CEP70: variants seen among roughly 807,000 people sequenced by gnomAD.
The protein encoded by CEP70 is centrosomal protein 70, also known as centrosomal protein of 70 kDa.
A neutral mutation model predicts 90.9 loss-of-function variants in CEP70; 70 were observed. The ratio of observed to expected loss-of-function variants is 0.77; its 90% CI spans 0.64 to 0.94. The LOEUF (loss-of-function observed/expected upper bound fraction) is 0.94, where lower values mean the gene tolerates loss of function less well. Ranked by LOEUF, CEP70 falls within the 40% of genes least tolerant of loss-of-function variation. The pLI is 0.00. For missense variants in CEP70, 648 were observed against 669.0 expected, an observed-to-expected ratio of 0.97 and a Z score of 0.35; for synonymous variants, 220 against 228.3, an observed-to-expected ratio of 0.96 and a Z score of 0.33.
At chr3:138,541,186 A>G (rs1334665402) in intron 6 of CEP70, among the ~76,000 whole-genome samples, 1 of 152,236 alleles carries the variant, frequency 6.6e-6, no homozygotes, top group Non-Finnish European at 1.5e-5. Flanking sequence ...CAATGAAACA[A>G]GTTTACCTAC....
At chr3:138,540,665 C>T (rs2038684009) in intron 6 of CEP70, among the ~76,000 whole-genome samples, 1 of 152,118 alleles carries the variant, frequency 6.6e-6, no homozygotes, top group Admixed American at 6.5e-5. Flanking sequence ...ATTATTTTAA[C>T]CATTGTGGAA....
intron 11 of CEP70, among the ~76,000 whole-genome samples, chr3:138,521,703 G>T (rs1054016651): frequency 5.6e-4 from 83 of 148,414 alleles, no homozygotes; most frequent in African/African-American, 1.9e-3. Context: ...CCGTCTCGGG[G>T]GGTGGGGAGA....
intron 6 of CEP70, among the ~76,000 whole-genome samples, chr3:138,554,607 G>C (rs1478065951): frequency 6.6e-6 from 1 of 152,124 alleles, no homozygotes; most frequent in East Asian, 1.9e-4. Context: ...ACTGATAAAT[G>C]AATTTAGCAA....
At chr3:138,557,779 C>T (rs1576819908) in intron 6 of CEP70, among the ~76,000 whole-genome samples, 1 of 152,136 alleles carries the variant, frequency 6.6e-6, no homozygotes, top group Non-Finnish European at 1.5e-5. Context: ...CAAATACCAC[C>T]TGTTACCCCA....
intron 2 of CEP70, among the ~76,000 whole-genome samples, chr3:138,582,173 G>C (rs2041895014): frequency 6.6e-6 from 1 of 152,084 alleles, no homozygotes. Context: ...AAACTCACGG[G>C]TAATCAAAAG....
chr3:138,591,765 T>C lies in CEP70; in HGVS notation c.-6+89A>G, dbSNP rs1286185844. The stretch of plus-strand genomic sequence containing the variant: ...TATCAGGAAGTCAAAAGGAAATATA[T>C]GTAATGAACCTAGTATAGTACTCAA... On this transcript the variant is annotated intron_variant, in intron 2 of 17. Coordinates refer to ENST00000264982, the MANE Select transcript of CEP70 (RefSeq NM_024491.4). The C allele has an allele frequency of 6.7e-6, 7 of 1,039,302 alleles. No individual in the cohort carries two copies. In the South Asian group the frequency reaches 7.0e-5, roughly 10 times the overall value. The allele number at this position is 1,039,302 out of a possible 1,614,324, so 64.4% of individuals were successfully genotyped here.
At chr3:138,522,968 A>C (rs1271566546) in intron 11 of CEP70, among the ~76,000 whole-genome samples, 1 of 152,218 alleles carries the variant, frequency 6.6e-6, no homozygotes, top group African/African-American at 2.4e-5. Flanking sequence ...CGATGCAAAA[A>C]TCCTCAATAA....
chr3:138,561,904 G>C (rs975606258), intron 6 of CEP70, among the ~76,000 whole-genome samples: 9 of 151,520 alleles, frequency 5.9e-5, no homozygotes, highest in Non-Finnish European at 1.2e-4. Context: ...GGCACCTGTA[G>C]TCCCAGCTAT....
chr3:138,525,562 G>T lies in CEP70; in HGVS notation c.872C>A (p.Pro291His). Reference protein sequence around the residue: ...LNLQKDLETRPTQHELRLYKQ... With the variant: ...LNLQKDLETRHTQHELRLYKQ... The stretch of plus-strand genomic sequence containing the variant: ...ATAAAGTCTTAATTCATGCTGCGTA[G>T]GCCTGTGGAAAATAAATAATGATAA... The change falls in exon 11 of 18, where the codon CCT becomes CAT. Residue 291 changes from proline to histidine, a missense_variant and splice_region_variant. By Grantham distance (77) the Pro-to-His change is moderately conservative. Coordinates refer to ENST00000264982, the MANE Select transcript of CEP70 (RefSeq NM_024491.4). 1 of 1,341,032 alleles carries T rather than the reference G, an allele frequency of 7.5e-7. No homozygotes were observed. Among genetic ancestry groups the T allele is most frequent in the Non-Finnish European group, 9.8e-7 (1 of 1,020,892 alleles). The allele number at this position is 1,341,032 out of a possible 1,614,324, so 83.1% of individuals were successfully genotyped here. A position where few individuals can be genotyped will look rare whatever the true frequency, so the allele number is the denominator to read the frequency against.
In CEP70 at chr3:138,527,188, G is replaced by A. The variant is rs545917608; in HGVS notation, c.870-1624C>T. On this transcript the variant is annotated intron_variant, in intron 10 of 17. Coordinates refer to ENST00000264982, the MANE Select transcript of CEP70 (RefSeq NM_024491.4). The stretch of plus-strand genomic sequence containing the variant: ...AGTTTTTTGTTTTGTTTTGTTTTAA[G>A]AGACAGAGTCTCTGTTGCCCAGGTT... Among the ~76,000 whole-genome samples the A allele has an allele frequency of 3.7e-4, 57 of 152,024 alleles. No homozygotes were observed. In the South Asian group the frequency reaches 0.011, roughly 29 times the overall value.
At chr3:138,569,103 C>T (rs974993722) in intron 6 of CEP70, among the ~76,000 whole-genome samples, 2 of 152,154 alleles carry the variant, frequency 1.3e-5, no homozygotes, top group African/African-American at 4.8e-5. Context: ...ATACCAGCAG[C>T]TCTACTACTG....
At chr3:138,570,557 G>T in intron 5 of CEP70, 59 bp from the exon 6 acceptor site, 2 of 1,323,826 alleles carry the variant, frequency 1.5e-6, no homozygotes, top group Non-Finnish European at 2.1e-6. Context: ...GAATTACCAA[G>T]CATATCCATA....
At chr3:138,496,756 A>G in intron 17 of CEP70, 1 of 985,442 alleles carries the variant, frequency 1.0e-6, no homozygotes, top group Non-Finnish European at 1.2e-6. Context: ...GTTAATGTTT[A>G]ACACCAGAAC....
At chr3:138,553,662 C>A (rs1276614062) in intron 6 of CEP70, among the ~76,000 whole-genome samples, 1 of 151,726 alleles carries the variant, frequency 6.6e-6, no homozygotes, top group Non-Finnish European at 1.5e-5. Flanking sequence ...AAAGATATAA[C>A]AAAAAAAGAA....
intron 6 of CEP70, among the ~76,000 whole-genome samples, chr3:138,555,703 A>G (rs185841280): frequency 2.0e-5 from 3 of 152,326 alleles, no homozygotes; most frequent in East Asian, 1.9e-4. Context: ...GCAGATCAAA[A>G]CCACAATGTG....
intron 3 of CEP70, among the ~76,000 whole-genome samples, chr3:138,572,300 T>A (rs1376336237): frequency 6.6e-6 from 1 of 152,198 alleles, no homozygotes; most frequent in Non-Finnish European, 1.5e-5. Flanking sequence ...TCCTTTTTTT[T>A]ACATCTCCTC....
intron 8 of CEP70, chr3:138,530,885 G>C (rs966148880): frequency 7.1e-6 from 7 of 980,280 alleles, no homozygotes; most frequent in African/African-American, 1.8e-5. Context: ...TTAGAAAGGA[G>C]ACTGAGTTTA....
At position 138,581,043 on chromosome 3, in the gene CEP70, G is replaced by A. The variant is rs527376283; in HGVS notation, c.-5-8111C>T. Among the ~76,000 whole-genome samples the A allele has an allele frequency of 2.0e-4, 30 of 152,142 alleles. No homozygotes were observed. The South Asian group carries it at 5.6e-3, about 28-fold the overall frequency. Reference sequence around the variant, plus strand: ...CTCATGCCTGTAATCCCAACACTCTGGGAGGCCAAGGCAGGTGGATCACCT... The same window carrying A: ...CTCATGCCTGTAATCCCAACACTCTAGGAGGCCAAGGCAGGTGGATCACCT... On this transcript the variant is annotated intron_variant, in intron 2 of 17. Transcript: ENST00000264982.
At chr3:138,593,409 G>C (rs991894519) in intron 1 of CEP70, among the ~76,000 whole-genome samples, 39 of 152,166 alleles carry the variant, frequency 2.6e-4, no homozygotes, top group Non-Finnish European at 4.7e-4. Flanking sequence ...TTTTAGTAGA[G>C]ACGTGGTTTC....
Sources: gnomAD v4.1 joint callset for allele counts (sites outside exome capture counted in the v4.1 genomes callset) on GRCh38, gnomAD v4.1.1 for gene constraint, MANE v1.5 for transcripts, NCBI Gene and HGNC (gene_info 2026-07-23, HGNC 2026-07-21) for gene names.